The following DHODH variants were observed in gnomAD, a reference collection of about 807,000 sequenced individuals.
The protein encoded by DHODH is dihydroorotate dehydrogenase (quinone), mitochondrial.
DHODH carries 30 observed loss-of-function variants against 39.7 expected under a neutral mutation model. The observed-to-expected ratio is 0.76, with a 90% CI of 0.57 to 1.02. The LOEUF is 1.02. DHODH is among the 50% of genes least tolerant of loss of function. DHODH has a pLI of 0.00. For synonymous variants in DHODH, 222 were observed against 213.8 expected, an observed-to-expected ratio of 1.04 and a Z score of -0.34; for missense variants, 531 against 520.8, an observed-to-expected ratio of 1.02 and a Z score of -0.19.
At chr16:72,020,439 C>A (rs1192416626) in intron 4 of DHODH, 1 of 146,938 alleles carries the variant, frequency 6.8e-6, no homozygotes, top group South Asian at 2.1e-4. Context: ...TGCAGTGGCG[C>A]GATCACGGTT....
In DHODH at chr16:72,008,872, C is replaced by G. The variant is rs2041049666; in HGVS notation, c.21+87C>G. 7 of 1,550,292 alleles carry G rather than the reference C, an allele frequency of 4.5e-6. No individual in the cohort carries two copies. In the South Asian group the frequency reaches 7.1e-5, roughly 16 times the overall value. ...GAGTCAGGCCGGGCGAGGCATGGAC[C>G]GAAGGCGGCTCCGGGAGTGTGGGCC... On this transcript the variant is annotated intron_variant, in intron 1 of 8. Coordinates refer to ENST00000219240, the MANE Select transcript of DHODH (RefSeq NM_001361.5).
At chr16:72,021,394 G>A (rs998696002) in intron 5 of DHODH, 83 bp downstream of exon 5, 1 of 1,446,402 alleles carries the variant, frequency 6.9e-7, no homozygotes, top group Non-Finnish European at 9.4e-7. Flanking sequence ...CGAACCTTCA[G>A]CATCACCCTC....
At position 72,025,286 on chromosome 16, in the gene DHODH, A is replaced by G. The variant is rs1373167674; in HGVS notation, c.*1087A>G. 4 of 152,232 alleles carry G rather than the reference A, an allele frequency of 2.6e-5. No individual in the cohort carries two copies. The highest frequency in any genetic ancestry group is 7.2e-5 in the African/African-American group (3 of 41,460). 9.4% of individuals were successfully genotyped at this position (152,232 alleles called of 1,614,324 possible). A position where few individuals can be genotyped will look rare whatever the true frequency, so the allele number is the denominator to read the frequency against. ...CTGCATAAAGATGTTCATTTTGTAC[A>G]TACACTCAGACATACATGTGGCTGT... On this transcript the variant is annotated 3_prime_UTR_variant, in exon 9 of 9. Coordinates refer to ENST00000219240, the MANE Select transcript of DHODH (RefSeq NM_001361.5).
Position 72,018,758 on chromosome 16 carries a change from G to C in DHODH, c.517+1652G>C, listed in dbSNP as rs539206365. Reference sequence around the variant, plus strand: ...AAAGCTTTGGTGCCCTCTGGGGACAGAGTAATCCAGCAATTTCTGTCTAAC... The same window carrying C: ...AAAGCTTTGGTGCCCTCTGGGGACACAGTAATCCAGCAATTTCTGTCTAAC... On this transcript the variant is annotated intron_variant, in intron 4 of 8. Transcript: ENST00000219240. 1.1e-4 allele frequency among the ~76,000 whole-genome samples: 16 copies of C among 152,352 alleles called. No individual in the cohort carries two copies. The South Asian group carries it at 2.7e-3, about 26-fold the overall frequency.
chr16:72,023,295 G>A lies in DHODH; in HGVS notation c.950G>A (p.Arg317Gln), dbSNP rs909796566. The A allele has an allele frequency of 3.7e-6, 6 of 1,614,030 alleles. No homozygotes were observed. The highest frequency in any genetic ancestry group is 1.3e-5 in the African/African-American group (1 of 74,922). ...CGGGATTTATCAACTCAAACCATTC[G>A]GGAGATGTATGCACTCACCCAAGGC... ...PLRDLSTQTI[R>Q]EMYALTQGRV... The change falls in exon 7 of 9, where the codon CGG becomes CAG. Residue 317 changes from arginine (R) to glutamine (Q), a missense_variant. Physicochemically the swap from Arg to Gln is conservative, Grantham distance 43. Coordinates refer to ENST00000219240, the MANE Select transcript of DHODH (RefSeq NM_001361.5).
chr16:72,012,487 G>C (rs1178861816), intron 2 of DHODH, among the ~76,000 whole-genome samples: 1 of 152,212 alleles, frequency 6.6e-6, no homozygotes, highest in East Asian at 1.9e-4. Flanking sequence ...GATCCTCCCA[G>C]CTGCTCCATG....
Position 72,023,271 on chromosome 16 carries a change from G to A in DHODH, c.926G>A (p.Arg309Gln), listed in dbSNP as rs1353363773. The change falls in exon 7 of 9, where the codon CGG (arginine) becomes CAG (glutamine). Residue 309 changes from arginine to glutamine, a missense_variant. Coordinates refer to ENST00000219240, the MANE Select transcript of DHODH (RefSeq NM_001361.5). ...ETGGLSGKPLRDLSTQTIREM... is the reference protein window; with the variant it reads ...ETGGLSGKPLQDLSTQTIREM... ...GGAGGGCTGAGTGGGAAGCCCCTCCGGGATTTATCAACTCAAACCATTCGG... is the reference window on the plus strand; with the variant it reads ...GGAGGGCTGAGTGGGAAGCCCCTCCAGGATTTATCAACTCAAACCATTCGG... 3.1e-6 allele frequency: 5 copies of A among 1,614,074 alleles called. No individual in the cohort carries two copies. The highest frequency in any genetic ancestry group is 1.3e-5 in the African/African-American group (1 of 74,932).
intron 4 of DHODH, among the ~76,000 whole-genome samples, chr16:72,017,770 C>CTTGTTTTTTTT (rs2041158091): frequency 9.6e-6 from 1 of 103,800 alleles, no homozygotes; most frequent in African/African-American, 4.4e-5. Flanking sequence ...AAACAACATG[C>CTTGTTTTTTTT]TTTTTTTTTT....
In DHODH at chr16:72,017,070, C is replaced by T. The variant is rs752511043; in HGVS notation, c.481C>T (p.Arg161Trp). The part of the protein sequence containing the change: ...HGLSVVEHRL[R>W]ARQQKQAKLT... ...GCTTTCAGTGGTGGAACACAGGTTA[C>T]GGGCCAGACAGCAGAAGCAGGCCAA... Residue 161 changes from arginine to tryptophan, a missense_variant, in exon 4 of 9, where the codon CGG (arginine) becomes TGG (tryptophan). Coordinates refer to ENST00000219240, the MANE Select transcript of DHODH (RefSeq NM_001361.5). 60 of 1,613,720 alleles carry T rather than the reference C, an allele frequency of 3.7e-5. No homozygotes were observed. Among genetic ancestry groups the T allele is most frequent in the Middle Eastern group, 1.6e-4 (1 of 6,084 alleles).
intron 1 of DHODH, among the ~76,000 whole-genome samples, chr16:72,011,352 G>A (rs1160321483): frequency 6.6e-6 from 1 of 152,204 alleles, no homozygotes; most frequent in Non-Finnish European, 1.5e-5. Context: ...TGAAAACCAT[G>A]TAGAGGCTGG....
intron 1 of DHODH, among the ~76,000 whole-genome samples, chr16:72,009,953 G>A (rs1213725886): frequency 1.3e-5 from 2 of 152,114 alleles, no homozygotes; most frequent in Admixed American, 6.5e-5. Flanking sequence ...TCACTGTGTT[G>A]CCCAGGCTGG....
rs540887992 is a variant in DHODH, at chr16:72,013,220, T to G, written c.234+958T>G. Among the ~76,000 whole-genome samples the G allele has an allele frequency of 4.6e-5, 7 of 152,254 alleles. No homozygotes were observed. In the South Asian group the frequency reaches 1.5e-3, roughly 32 times the overall value. On this transcript the variant is annotated intron_variant, in intron 2 of 8. Coordinates refer to ENST00000219240, the MANE Select transcript of DHODH (RefSeq NM_001361.5). ...ACGTGTCATTTCCCCTGACTGGCCA[T>G]GCTCACACACTAACAGGCACTGTAG... is the stretch of plus-strand genomic sequence containing the variant.
intron 1 of DHODH, 40 bp downstream of exon 1, chr16:72,008,825 G>T (rs1267987374): frequency 6.4e-7 from 1 of 1,552,386 alleles, no homozygotes; most frequent in Non-Finnish European, 8.7e-7. Context: ...GGGGACCAGG[G>T]ACCGGGGAGG....
intron 7 of DHODH, 63 bp from the exon 8 acceptor site, chr16:72,023,411 G>A: frequency 1.2e-6 from 2 of 1,613,940 alleles, no homozygotes; most frequent in Non-Finnish European, 1.7e-6. Flanking sequence ...TGTCTTGATT[G>A]TGGGGGACTC....
chr16:72,016,775 G>A lies in DHODH; in HGVS notation c.435-249G>A, dbSNP rs927397389. 74 of 465,916 alleles carry A rather than the reference G, an allele frequency of 1.6e-4. 3 individuals are homozygous for A. The Middle Eastern group carries it at 1.9e-3, about 12-fold the overall frequency. 28.9% of individuals were successfully genotyped at this position (465,916 alleles called of 1,614,324 possible). A position where few individuals can be genotyped will look rare whatever the true frequency, so the allele number is the denominator to read the frequency against. On this transcript the variant is annotated intron_variant, in intron 3 of 8. Coordinates refer to ENST00000219240, the MANE Select transcript of DHODH (RefSeq NM_001361.5). ...AAGGAGTGGGGATCCAGCAGGTCTG[G>A]GGCAGCTGCTGCTGAGTCTGGGCTG...
chr16:72,012,252 C>CT lies in DHODH; in HGVS notation c.225dup (p.Asp76Ter), dbSNP rs1313243799. On this transcript the variant is annotated frameshift_variant, in exon 2 of 9. Coordinates refer to ENST00000219240, the MANE Select transcript of DHODH (RefSeq NM_001361.5). LOFTEE classifies it high-confidence loss of function. ...CTTCCACGGGCCAGATTTCAAGACT[C>CT]TGACATGCTGGTAGTGCTCCCAGAC... 3 of 1,614,006 alleles carry CT rather than the reference C, an allele frequency of 1.9e-6. No homozygotes were observed. Among genetic ancestry groups the CT allele is most frequent in the East Asian group, 2.2e-5 (1 of 44,884 alleles).
At chr16:72,021,332 C>G in intron 5 of DHODH, 21 bp downstream of exon 5, 7 of 1,584,328 alleles carry the variant, frequency 4.4e-6, no homozygotes, top group Non-Finnish European at 6.0e-6. Context: ...GCACCCCTCT[C>G]CAGGCCCTGT....
At chr16:72,009,299 C>G (rs544534381) in intron 1 of DHODH, among the ~76,000 whole-genome samples, 18 of 150,508 alleles carry the variant, frequency 1.2e-4, no homozygotes, top group Admixed American at 7.3e-4. Context: ...GTCAGGAGAT[C>G]GAGACCATCC....
chr16:72,022,800 GGTCTCT>G (rs1351359315), intron 6 of DHODH, among the ~76,000 whole-genome samples: 1 of 152,120 alleles, frequency 6.6e-6, no homozygotes, highest in East Asian at 1.9e-4. Flanking sequence ...CTGGACAGCG[GGTCTCT>G]GTGGCATAGG....
Sources: gnomAD v4.1 joint callset for allele counts (sites outside exome capture counted in the v4.1 genomes callset) on GRCh38, gnomAD v4.1.1 for gene constraint, MANE v1.5 for transcripts, NCBI Gene and HGNC (gene_info 2026-07-23, HGNC 2026-07-21) for gene names.